The following RIMS2 variants were observed in gnomAD, a reference collection of about 807,000 sequenced individuals.
RIMS2 encodes the protein regulating synaptic membrane exocytosis protein 2.
RIMS2 carries 59 observed loss-of-function variants against 174.4 expected under a neutral mutation model. The observed-to-expected ratio is 0.34, with a 90% CI of 0.27 to 0.42. The LOEUF is 0.42. RIMS2 is among the 10% of genes least tolerant of loss of function. RIMS2 has a pLI of 1.00. For missense variants in RIMS2, 1,620 were observed against 1,666.3 expected (o/e 0.97, Z 0.48); for synonymous variants, 606 against 572.5 (o/e 1.06, Z -0.84).
At chr8:103,632,548 G>A (rs1311552095) in intron 1 of RIMS2, among the ~76,000 whole-genome samples, 2 of 151,888 alleles carry the variant, frequency 1.3e-5, no homozygotes, top group African/African-American at 2.4e-5. Context: ...AGCCTCCTGA[G>A]TAGCTGGGCT....
intron 1 of RIMS2, among the ~76,000 whole-genome samples, chr8:103,516,349 T>C (rs2130031893): frequency 6.6e-6 from 1 of 152,238 alleles, no homozygotes; most frequent in African/African-American, 2.4e-5. Flanking sequence ...ATAACTAAAA[T>C]TTCAAAAATT....
At chr8:104,062,036 C>T (rs2097005070) in intron 19 of RIMS2, among the ~76,000 whole-genome samples, 1 of 152,036 alleles carries the variant, frequency 6.6e-6, no homozygotes, top group African/African-American at 2.4e-5. Flanking sequence ...AAGTTTTTTT[C>T]ATATACAATG....
chr8:103,773,815 A>T (rs2098280115), intron 3 of RIMS2, among the ~76,000 whole-genome samples: 1 of 152,112 alleles, frequency 6.6e-6, no homozygotes, highest in South Asian at 2.1e-4. Context: ...TCCTGACAAC[A>T]CTTACCTTTT....
At chr8:103,815,276 T>C (rs1456403851) in intron 3 of RIMS2, among the ~76,000 whole-genome samples, 1 of 152,204 alleles carries the variant, frequency 6.6e-6, no homozygotes, top group Non-Finnish European at 1.5e-5. Flanking sequence ...TTTTTGATCC[T>C]CTGGTCAATA....
At chr8:104,124,047 G>T (rs2098407955) in intron 19 of RIMS2, among the ~76,000 whole-genome samples, 1 of 151,678 alleles carries the variant, frequency 6.6e-6, no homozygotes, top group Admixed American at 6.6e-5. Flanking sequence ...ATAACATCTT[G>T]GTATTTTTTA....
chr8:103,738,789 C>T (rs908761879), intron 2 of RIMS2, among the ~76,000 whole-genome samples: 23 of 152,104 alleles, frequency 1.5e-4, no homozygotes, highest in African/African-American at 4.8e-4. Flanking sequence ...TGCTCATCGT[C>T]ACTGGCCATC....
chr8:103,610,603 A>G (rs1015833734), intron 1 of RIMS2, among the ~76,000 whole-genome samples: 3 of 151,562 alleles, frequency 2.0e-5, no homozygotes, highest in Non-Finnish European at 4.4e-5. Context: ...TGCTTTGTTT[A>G]TAGTCCTGTT....
chr8:104,223,569 C>T (rs2099166644), intron 19 of RIMS2: 1 of 1,461,936 alleles, frequency 6.8e-7, no homozygotes, highest in African/African-American at 1.4e-5. Context: ...GCCCACTGGT[C>T]CCGGAACCGC....
intron 14 of RIMS2, among the ~76,000 whole-genome samples, chr8:103,957,686 C>T (rs2087919481): frequency 1.3e-5 from 2 of 152,062 alleles, no homozygotes; most frequent in African/African-American, 4.8e-5. Context: ...CCACAAACCA[C>T]CATGGCATGT....
intron 19 of RIMS2, among the ~76,000 whole-genome samples, chr8:104,093,146 A>G (rs1052889340): frequency 2.0e-5 from 3 of 152,054 alleles, no homozygotes; most frequent in Non-Finnish European, 2.9e-5. Flanking sequence ...AAAAAATTCT[A>G]CTTCCTCATA....
At chr8:103,770,491 G>T (rs534692879) in intron 3 of RIMS2, among the ~76,000 whole-genome samples, 1 of 152,068 alleles carries the variant, frequency 6.6e-6, no homozygotes, top group African/African-American at 2.4e-5. Context: ...TAGCAGAATC[G>T]CTTGAACCTG....
chr8:103,818,500 C>T (rs1338748745), intron 3 of RIMS2, among the ~76,000 whole-genome samples: 1 of 152,118 alleles, frequency 6.6e-6, no homozygotes, highest in Non-Finnish European at 1.5e-5. Context: ...TAGGAGCCTT[C>T]AGGAAACATT....
chr8:103,981,566 G>A (rs1264829211), intron 16 of RIMS2, among the ~76,000 whole-genome samples: 4 of 152,160 alleles, frequency 2.6e-5, no homozygotes, highest in African/African-American at 4.8e-5. Flanking sequence ...ACCAATACTT[G>A]AGAAACAGAT....
At chr8:103,649,897 C>A (rs905363813) in intron 1 of RIMS2, among the ~76,000 whole-genome samples, 2 of 152,126 alleles carry the variant, frequency 1.3e-5, no homozygotes, top group African/African-American at 4.8e-5. Context: ...TTTGTTATTA[C>A]CCACCTTCTG....
At chr8:103,892,585 C>G (rs1320810496) in intron 4 of RIMS2, among the ~76,000 whole-genome samples, 1 of 152,056 alleles carries the variant, frequency 6.6e-6, no homozygotes. Context: ...ATTCACTCCA[C>G]CTATCGGTAA....
At chr8:103,618,484 A>G (rs963177800) in intron 1 of RIMS2, among the ~76,000 whole-genome samples, 1 of 152,160 alleles carries the variant, frequency 6.6e-6, no homozygotes, top group African/African-American at 2.4e-5. Flanking sequence ...ACAGGATTCA[A>G]AGAAGTTTCC....
chr8:103,909,973 C>CAT (rs1261475454), intron 4 of RIMS2, among the ~76,000 whole-genome samples: 3 of 148,520 alleles, frequency 2.0e-5, no homozygotes, highest in Admixed American at 2.0e-4. Context: ...TTTCTTTTGG[C>CAT]ATATATATAG....
At chr8:104,153,590 T>C (rs1055326166) in intron 19 of RIMS2, among the ~76,000 whole-genome samples, 3 of 152,136 alleles carry the variant, frequency 2.0e-5, no homozygotes, top group African/African-American at 7.2e-5. Flanking sequence ...CATAGATGAA[T>C]TCAGAGCCCA....
At chr8:103,719,086 CTT>C (rs2097412508) in intron 2 of RIMS2, among the ~76,000 whole-genome samples, 1 of 151,740 alleles carries the variant, frequency 6.6e-6, no homozygotes. Flanking sequence ...ATAAGAAAGT[CTT>C]TGAGAGCTGC....
Sources: gnomAD v4.1 joint callset for allele counts (sites outside exome capture counted in the v4.1 genomes callset) on GRCh38, gnomAD v4.1.1 for gene constraint, MANE v1.5 for transcripts, NCBI Gene and HGNC (gene_info 2026-07-23, HGNC 2026-07-21) for gene names.